Variants in HPSE2 observed in about 807,000 individuals in gnomAD.
HPSE2 encodes inactive heparanase-2.
Under a neutral mutation model 60.5 loss-of-function variants are expected in HPSE2, and 38 were observed. The ratio of observed to expected loss-of-function variants is 0.63; its 90% CI spans 0.48 to 0.82. The LOEUF is 0.82. Ranked by LOEUF, HPSE2 falls within the 40% of genes least tolerant of loss-of-function variation. The pLI, the probability that HPSE2 is intolerant of heterozygous loss-of-function variation, is 0.00. For missense variants in HPSE2, 713 were observed against 740.4 expected (o/e 0.96, Z 0.43); for synonymous variants, 295 against 293.2 (o/e 1.01, Z -0.06).
chr10:98,719,917 C>T (rs1403549196), intron 5 of HPSE2, among the ~76,000 whole-genome samples: 1 of 151,840 alleles, frequency 6.6e-6, no homozygotes, highest in Admixed American at 6.6e-5. Context: ...AGGAGAATTG[C>T]TTGAACCCAG....
At chr10:98,830,877 G>T (rs570221889) in intron 3 of HPSE2, among the ~76,000 whole-genome samples, 1 of 152,278 alleles carries the variant, frequency 6.6e-6, no homozygotes, top group Admixed American at 6.5e-5. Context: ...ATTCACAATA[G>T]TCCATGCAGA....
intron 3 of HPSE2, among the ~76,000 whole-genome samples, chr10:99,138,923 A>G (rs1181079144): frequency 1.3e-5 from 2 of 152,116 alleles, no homozygotes; most frequent in Non-Finnish European, 2.9e-5. Context: ...CAATCCAACA[A>G]TCTCACTACT....
chr10:98,789,421 T>C (rs549616255), intron 3 of HPSE2, among the ~76,000 whole-genome samples: 1 of 152,302 alleles, frequency 6.6e-6, no homozygotes, highest in East Asian at 1.9e-4. Flanking sequence ...TGGGTGTTTA[T>C]TAAGGATCGA....
At chr10:98,801,974 C>A (rs2484937) in intron 3 of HPSE2, among the ~76,000 whole-genome samples, 1 of 151,944 alleles carries the variant, frequency 6.6e-6, no homozygotes, top group African/African-American at 2.4e-5. Context: ...AATATAGCAC[C>A]GTACTGGCTT....
chr10:98,636,576 C>G (rs887560987), intron 7 of HPSE2, among the ~76,000 whole-genome samples: 1 of 151,978 alleles, frequency 6.6e-6, no homozygotes, highest in African/African-American at 2.4e-5. Flanking sequence ...ATTGTATACA[C>G]GTATTGCAAT....
intron 3 of HPSE2, among the ~76,000 whole-genome samples, chr10:98,948,082 A>G (rs1470033833): frequency 2.6e-5 from 4 of 152,186 alleles, no homozygotes; most frequent in African/African-American, 9.6e-5. Context: ...TTTCAACACT[A>G]TGGAAAAGAG....
chr10:98,873,421 T>C (rs190664441), intron 3 of HPSE2, among the ~76,000 whole-genome samples: 30 of 152,154 alleles, frequency 2.0e-4, no homozygotes, highest in African/African-American at 7.0e-4. Context: ...TGTGTTCTCA[T>C]TGCTCAACTC....
At chr10:99,240,701 C>T (rs1589858240), upstream of HPSE2, among the ~76,000 whole-genome samples, 1 of 152,072 alleles carries the variant, frequency 6.6e-6, no homozygotes. Context: ...CGTGAGCCAC[C>T]ACGCCCAGCC....
At chr10:99,168,807 A>G (rs1847185591) in intron 2 of HPSE2, among the ~76,000 whole-genome samples, 1 of 152,208 alleles carries the variant, frequency 6.6e-6, no homozygotes, top group Admixed American at 6.5e-5. Context: ...TCCTGATTTT[A>G]AAGGGAATGC....
At chr10:98,592,559 G>C (rs1945119249) in intron 9 of HPSE2, among the ~76,000 whole-genome samples, 1 of 152,156 alleles carries the variant, frequency 6.6e-6, no homozygotes. Context: ...TGCAGTTAAA[G>C]AAGTAAAGAC....
chr10:98,968,608 A>G (rs1419038478), intron 3 of HPSE2, among the ~76,000 whole-genome samples: 2 of 152,234 alleles, frequency 1.3e-5, no homozygotes, highest in Non-Finnish European at 2.9e-5. Flanking sequence ...ATGTCCATCA[A>G]TCAATGAGTA....
At chr10:98,475,002 A>G (rs1940938352) in intron 11 of HPSE2, among the ~76,000 whole-genome samples, 1 of 152,232 alleles carries the variant, frequency 6.6e-6, no homozygotes, top group East Asian at 1.9e-4. Flanking sequence ...GCCTAGCAAT[A>G]GAAAGATCAA....
the HPSE2 span, among the ~76,000 whole-genome samples, chr10:99,264,165 GCAAGC>G: frequency 6.7e-5 from 3 of 44,934 alleles, no homozygotes; most frequent in South Asian, 4.5e-3. Context: ...TCGGTTCACT[GCAAGC>G]TCTGCCTCCC....
At chr10:98,535,855 C>T (rs1160336700) in intron 9 of HPSE2, among the ~76,000 whole-genome samples, 4 of 152,130 alleles carry the variant, frequency 2.6e-5, no homozygotes, top group African/African-American at 4.8e-5. Flanking sequence ...AACTTCAGCA[C>T]ATATCAAGGC....
At chr10:98,647,201 G>A (rs1399002744) in intron 6 of HPSE2, among the ~76,000 whole-genome samples, 2 of 151,936 alleles carry the variant, frequency 1.3e-5, no homozygotes, top group African/African-American at 4.8e-5. Context: ...CCCCATTCCC[G>A]TCCCACTGAC....
At chr10:98,709,996 A>C (rs1330638667) in intron 5 of HPSE2, among the ~76,000 whole-genome samples, 1 of 152,204 alleles carries the variant, frequency 6.6e-6, no homozygotes, top group Non-Finnish European at 1.5e-5. Flanking sequence ...CCACAAAGAG[A>C]ATCTTTGGTT....
intron 3 of HPSE2, among the ~76,000 whole-genome samples, chr10:99,106,147 G>A (rs535602840): frequency 6.6e-6 from 1 of 152,040 alleles, no homozygotes; most frequent in Admixed American, 6.6e-5. Context: ...CTACACAAAA[G>A]CCTACTGGGA....
chr10:98,900,465 G>A (rs1319059765), intron 3 of HPSE2, among the ~76,000 whole-genome samples: 1 of 152,112 alleles, frequency 6.6e-6, no homozygotes, highest in Non-Finnish European at 1.5e-5. Context: ...TTTGGGGGAT[G>A]ATGGATATAC....
chr10:98,767,618 TA>T lies in HPSE2; in HGVS notation c.611-23563del, dbSNP rs536695348. On this transcript the variant is annotated intron_variant, in intron 3 of 11. Coordinates refer to ENST00000370552, the MANE Select transcript of HPSE2 (RefSeq NM_021828.5). ...ATACAATACTATAACATGTATAGTA[TA>T]TGTTAATATGTAATATTTATTAATA... Among the ~76,000 whole-genome samples the T allele has an allele frequency of 7.6e-4, 111 of 146,772 alleles. 1 individual carries two copies. Among genetic ancestry groups the T allele is most frequent in the African/African-American group, 2.6e-3 (107 of 40,570 alleles).
Sources: allele counts gnomAD v4.1 joint callset (sites outside exome capture counted in the v4.1 genomes callset), GRCh38; gene constraint gnomAD v4.1.1; transcripts MANE v1.5; gene names NCBI Gene and HGNC (gene_info 2026-07-23, HGNC 2026-07-21).